Variants in NXPH1 observed in about 807,000 individuals in gnomAD.
NXPH1 encodes the protein neurexophilin-1.
A neutral mutation model predicts 23.7 loss-of-function variants in NXPH1; 5 were observed. That is an observed-to-expected ratio of 0.21 (90% CI 0.11 to 0.44). NXPH1 has a LOEUF of 0.44. NXPH1 is among the 20% of genes least tolerant of loss of function. The pLI, the probability that NXPH1 is intolerant of heterozygous loss-of-function variation, is 0.99. For synonymous variants in NXPH1, 144 were observed against 122.2 expected, an observed-to-expected ratio of 1.18 and a Z score of -1.18; for missense variants, 324 against 321.6, an observed-to-expected ratio of 1.01 and a Z score of -0.06.
chr7:8,450,131 C>A (rs1486471930), intron 2 of NXPH1, among the ~76,000 whole-genome samples: 1 of 152,174 alleles, frequency 6.6e-6, no homozygotes, highest in Non-Finnish European at 1.5e-5. Context: ...TCTCTTCTAA[C>A]AAATCACACT....
chr7:8,650,071 C>A (rs554269680), intron 2 of NXPH1, among the ~76,000 whole-genome samples: 1 of 152,128 alleles, frequency 6.6e-6, no homozygotes, highest in African/African-American at 2.4e-5. Context: ...TATTTCTGGA[C>A]AGTTGTACAA....
At chr7:8,714,845 T>C (rs996887808) in intron 2 of NXPH1, among the ~76,000 whole-genome samples, 1 of 152,086 alleles carries the variant, frequency 6.6e-6, no homozygotes, top group Non-Finnish European at 1.5e-5. Context: ...TACTCTTCCC[T>C]CCCCTCTCCT....
intron 2 of NXPH1, among the ~76,000 whole-genome samples, chr7:8,452,281 G>A (rs1426569157): frequency 6.6e-6 from 1 of 152,122 alleles, no homozygotes; most frequent in Non-Finnish European, 1.5e-5. Flanking sequence ...AGTTTTCTAT[G>A]CTGACAAACC....
At chr7:8,692,386 G>A (rs1222365238) in intron 2 of NXPH1, among the ~76,000 whole-genome samples, 8 of 152,140 alleles carry the variant, frequency 5.3e-5, no homozygotes, top group Non-Finnish European at 1.0e-4. Flanking sequence ...AGTGGTGACA[G>A]CACTGGAGAG....
intron 2 of NXPH1, among the ~76,000 whole-genome samples, chr7:8,565,952 G>A (rs773783273): frequency 2.0e-4 from 31 of 151,778 alleles, no homozygotes; most frequent in Non-Finnish European, 4.4e-5. Context: ...AAGAATGGAG[G>A]ATCCTTTGTG....
intron 2 of NXPH1, among the ~76,000 whole-genome samples, chr7:8,582,281 A>T (rs2128623880): frequency 6.6e-6 from 1 of 152,286 alleles, no homozygotes; most frequent in Non-Finnish European, 1.5e-5. Flanking sequence ...CATTGACCAC[A>T]GTATGGTGAG....
At chr7:8,452,258 A>G (rs902866654) in intron 2 of NXPH1, among the ~76,000 whole-genome samples, 6 of 152,212 alleles carry the variant, frequency 3.9e-5, no homozygotes, top group African/African-American at 1.4e-4. Context: ...TAACAATCCA[A>G]TAACCGAATC....
At chr7:8,571,768 C>G (rs2128622234) in intron 2 of NXPH1, among the ~76,000 whole-genome samples, 1 of 151,728 alleles carries the variant, frequency 6.6e-6, no homozygotes, top group Non-Finnish European at 1.5e-5. Flanking sequence ...CACAACAAAG[C>G]TTGGTAATTT....
intron 2 of NXPH1, among the ~76,000 whole-genome samples, chr7:8,731,117 T>A (rs922356103): frequency 6.6e-6 from 1 of 151,976 alleles, no homozygotes; most frequent in Non-Finnish European, 1.5e-5. Context: ...ATACCCTTTC[T>A]TCCAGTTGAT....
At chr7:8,589,322 G>A (rs747876697) in intron 2 of NXPH1, among the ~76,000 whole-genome samples, 3 of 152,096 alleles carry the variant, frequency 2.0e-5, no homozygotes, top group Non-Finnish European at 4.4e-5. Flanking sequence ...AAGTCACAAG[G>A]TATAAGATTT....
At chr7:8,642,320 C>A (rs1820329764) in intron 2 of NXPH1, among the ~76,000 whole-genome samples, 1 of 152,168 alleles carries the variant, frequency 6.6e-6, no homozygotes, top group African/African-American at 2.4e-5. Flanking sequence ...TCCAATGTTG[C>A]TGTAAAAAGG....
intron 2 of NXPH1, among the ~76,000 whole-genome samples, chr7:8,521,725 A>T (rs1817774736): frequency 6.6e-6 from 1 of 152,182 alleles, no homozygotes; most frequent in Admixed American, 6.5e-5. Context: ...TTGAATGTTA[A>T]ATCATAAGAA....
At chr7:8,726,199 A>G (rs1780049786) in intron 2 of NXPH1, among the ~76,000 whole-genome samples, 1 of 152,024 alleles carries the variant, frequency 6.6e-6, no homozygotes, top group African/African-American at 2.4e-5. Flanking sequence ...CCAGTGGCTA[A>G]TAGGTACAAA....
chr7:8,521,982 G>C (rs1473265095), intron 2 of NXPH1, among the ~76,000 whole-genome samples: 2 of 152,098 alleles, frequency 1.3e-5, no homozygotes, highest in East Asian at 3.9e-4. Context: ...GGGAGAGTAG[G>C]ATACTGACAC....
chr7:8,709,788 C>T (rs573795449), intron 2 of NXPH1, among the ~76,000 whole-genome samples: 1 of 152,198 alleles, frequency 6.6e-6, no homozygotes, highest in Non-Finnish European at 1.5e-5. Context: ...CAATGATTTT[C>T]TAAGAATCTA....
In NXPH1 at chr7:8,708,021, C is replaced by T. The variant is rs187759412; in HGVS notation, c.55-42987C>T. Among the ~76,000 whole-genome samples, 22 of 152,060 alleles carry T rather than the reference C, an allele frequency of 1.4e-4. No homozygotes were observed. In the East Asian group the frequency reaches 4.2e-3, roughly 29 times the overall value. Reference sequence around the variant, plus strand: ...AAATCTTTAAATAATTTAATATGCACTCATATATATGAATATGCAAATTTT... The same window carrying T: ...AAATCTTTAAATAATTTAATATGCATTCATATATATGAATATGCAAATTTT... On this transcript the variant is annotated intron_variant, in intron 2 of 2. Transcript: ENST00000405863.
chr7:8,480,091 G>A (rs1014979267), intron 2 of NXPH1, among the ~76,000 whole-genome samples: 3 of 152,096 alleles, frequency 2.0e-5, no homozygotes, highest in African/African-American at 7.2e-5. Flanking sequence ...GGAGGAGGGA[G>A]ATGTTTGAGA....
intron 2 of NXPH1, among the ~76,000 whole-genome samples, chr7:8,589,546 G>T (rs1479479011): frequency 1.3e-5 from 2 of 152,050 alleles, no homozygotes. Context: ...CTAGCAAAAA[G>T]TGAGGGTGAG....
intron 2 of NXPH1, among the ~76,000 whole-genome samples, chr7:8,688,051 G>C (rs1821173858): frequency 6.6e-6 from 1 of 151,952 alleles, no homozygotes; most frequent in Non-Finnish European, 1.5e-5. Flanking sequence ...TATTGTTGTG[G>C]TTCTTTGTAT....
Sources: gnomAD v4.1 joint callset for allele counts (sites outside exome capture counted in the v4.1 genomes callset) on GRCh38, gnomAD v4.1.1 for gene constraint, MANE v1.5 for transcripts, NCBI Gene and HGNC (gene_info 2026-07-23, HGNC 2026-07-21) for gene names.